The following CDKL5 variants were observed in gnomAD, a reference collection of about 807,000 sequenced individuals.
CDKL5 encodes the protein cyclin-dependent kinase-like 5.
In CDKL5, 8 loss-of-function variants were observed where a neutral mutation model predicts 61.7. The ratio of observed to expected loss-of-function variants is 0.13; its 90% confidence interval spans 0.08 to 0.23. The LOEUF is 0.23. CDKL5 is among the 10% of genes least tolerant of loss of function. CDKL5 has a pLI of 1.00. For missense variants in CDKL5, 440 were observed against 734.5 expected, an observed-to-expected ratio of 0.60 and a Z score of 4.63; for synonymous variants, 275 against 272.3, an observed-to-expected ratio of 1.01 and a Z score of -0.10.
At chrX:18,592,949 A>G (rs1402045810) in intron 9 of CDKL5, among the ~76,000 whole-genome samples, 1 of 112,052 alleles carries the variant, frequency 8.9e-6, no homozygotes, top group Non-Finnish European at 1.9e-5. Flanking sequence ...CTGGAGTTAG[A>G]TTGCTGTGGT....
At chrX:18,473,332 A>T (rs184724991) in intron 1 of CDKL5, among the ~76,000 whole-genome samples, 1 of 111,052 alleles carries the variant, frequency 9.0e-6, no homozygotes, top group Non-Finnish European at 1.9e-5. Flanking sequence ...AACCTCTTAG[A>T]TGTAGTCATA....
intron 3 of CDKL5, among the ~76,000 whole-genome samples, chrX:18,544,631 C>G (rs2147118111): frequency 8.9e-6 from 1 of 111,903 alleles, no homozygotes; most frequent in South Asian, 3.8e-4. Context: ...ACCCTTCTTT[C>G]AGCGACGTGA....
At chrX:18,644,895 G>A (rs1927717526), downstream of CDKL5, among the ~76,000 whole-genome samples, 2 of 112,815 alleles carry the variant, frequency 1.8e-5, no homozygotes, top group African/African-American at 6.4e-5. Flanking sequence ...CTCAGAGTGT[G>A]GCTGAAATTG....
chrX:18,640,427 T>TCCCC (rs1300468144), downstream of CDKL5: 15 of 31,568 alleles, frequency 4.8e-4, no homozygotes, highest in East Asian at 1.2e-3. Context: ...CAGGGATAAG[T>TCCCC]CCCCCCACCC....
chrX:18,503,129 T>A (rs1397895020), intron 1 of CDKL5, among the ~76,000 whole-genome samples: 1 of 112,606 alleles, frequency 8.9e-6, no homozygotes, highest in Admixed American at 9.4e-5. Context: ...GAAAAGTCGT[T>A]TTGAATATCT....
intron 1 of CDKL5, among the ~76,000 whole-genome samples, chrX:18,505,516 C>T (rs778524766): frequency 1.8e-5 from 2 of 112,235 alleles, no homozygotes; most frequent in African/African-American, 3.2e-5. Context: ...CTGGAATAGT[C>T]GCTTCTTGTT....
intron 1 of CDKL5, among the ~76,000 whole-genome samples, chrX:18,437,025 G>C (rs1010686926): frequency 9.1e-6 from 1 of 110,171 alleles, no homozygotes; most frequent in Non-Finnish European, 1.9e-5. Context: ...AGGCCATTTT[G>C]CTGGGTTTTT....
intron 15 of CDKL5, among the ~76,000 whole-genome samples, chrX:18,616,746 C>T (rs1926728930): frequency 1.8e-5 from 2 of 111,959 alleles, no homozygotes; most frequent in Non-Finnish European, 3.8e-5. Context: ...TGCTTGTCAT[C>T]ATAACTTTCA....
intron 7 of CDKL5, among the ~76,000 whole-genome samples, chrX:18,584,008 T>C (rs1925562574): frequency 8.9e-6 from 1 of 111,919 alleles, no homozygotes; most frequent in African/African-American, 3.2e-5. Context: ...ATGGGATGAC[T>C]TCGAAAACCC....
At chrX:18,515,840 G>A (rs1922994152) in intron 3 of CDKL5, among the ~76,000 whole-genome samples, 1 of 111,027 alleles carries the variant, frequency 9.0e-6, no homozygotes, top group Non-Finnish European at 1.9e-5. Flanking sequence ...AGTCTTAGAG[G>A]GTCTGTGTAA....
At chrX:18,432,753 C>T (rs1385710476) in intron 1 of CDKL5, among the ~76,000 whole-genome samples, 2 of 109,979 alleles carry the variant, frequency 1.8e-5, no homozygotes, top group African/African-American at 6.6e-5. Flanking sequence ...ACTACAGGTG[C>T]AGGCTGCCAT....
chrX:18,579,161 G>C (rs1925392377), intron 5 of CDKL5, among the ~76,000 whole-genome samples: 1 of 111,783 alleles, frequency 8.9e-6, no homozygotes, highest in African/African-American at 3.2e-5. Context: ...CACGGGCCTT[G>C]TACTTTACAG....
intron 1 of CDKL5, among the ~76,000 whole-genome samples, chrX:18,433,490 C>T (rs1010287076): frequency 2.7e-4 from 30 of 111,732 alleles, no homozygotes; most frequent in African/African-American, 9.4e-4. Context: ...GTGGAGGTTG[C>T]GGTGAGCCGA....
At chrX:18,516,671 G>A (rs755419740) in intron 3 of CDKL5, among the ~76,000 whole-genome samples, 28 of 110,437 alleles carry the variant, frequency 2.5e-4, no homozygotes, top group Non-Finnish European at 4.5e-4. Flanking sequence ...CAGGCGCCTG[G>A]CCACTTGTGT....
intron 4 of CDKL5, 25 bp downstream of exon 4, chrX:18,564,547 A>ATC: frequency 1.8e-6 from 1 of 558,882 alleles, no homozygotes; most frequent in Non-Finnish European, 2.5e-6. Context: ...ATATATATAT[A>ATC]TATCTGTATA....
chrX:18,631,980 C>T lies in CDKL5; in HGVS notation c.*3223C>T, dbSNP rs1927250773. On this transcript the variant is annotated 3_prime_UTR_variant, in exon 18 of 18. Transcript: ENST00000623535. ...TAGCTGGGGGGGAGGTGATGGTATG[C>T]TACTGGCATCAAGTGGTTAGAGGCC... 3.5e-6 allele frequency: 2 copies of T among 577,381 alleles called. No homozygotes were observed. The highest frequency in any genetic ancestry group is 4.2e-6 in the Non-Finnish European group (2 of 479,312). 47.6% of individuals were successfully genotyped at this position (577,381 alleles called of 1,213,427 possible).
At chrX:18,646,495 C>T (rs1243780345) in intron 20 of CDKL5, among the ~76,000 whole-genome samples, 1 of 112,666 alleles carries the variant, frequency 8.9e-6, no homozygotes, top group Non-Finnish European at 1.9e-5. Flanking sequence ...CACACTTCTA[C>T]ATTAAGTCAC....
intron 1 of CDKL5, among the ~76,000 whole-genome samples, chrX:18,506,042 T>TA (rs763362157): frequency 3.8e-4 from 43 of 113,113 alleles, no homozygotes; most frequent in African/African-American, 1.4e-3. Context: ...TAAGGACTTT[T>TA]AAAAAAATTA....
chrX:18,462,153 A>G (rs932163138), intron 1 of CDKL5, among the ~76,000 whole-genome samples: 5 of 108,976 alleles, frequency 4.6e-5, no homozygotes, highest in African/African-American at 6.7e-5. Context: ...GCCCAAGACA[A>G]TTCTTCCAAT....
Sources: allele counts gnomAD v4.1 joint callset (sites outside exome capture counted in the v4.1 genomes callset), GRCh38; gene constraint gnomAD v4.1.1; transcripts MANE v1.5; gene names NCBI Gene and HGNC (gene_info 2026-07-23, HGNC 2026-07-21).